FOXP1: variants seen among roughly 807,000 people sequenced by gnomAD.
FOXP1 encodes the protein forkhead box protein P1.
In FOXP1, 15 loss-of-function variants were observed where a neutral mutation model predicts 98.2. The ratio of observed to expected loss-of-function variants is 0.15; its 90% CI spans 0.10 to 0.24. The LOEUF is 0.24. Among genes scored for constraint, FOXP1 ranks in the 10% least tolerant of loss-of-function variants. The probability of loss-of-function intolerance (pLI) is 1.00; values close to 1 mark genes in which losing one functional copy is unlikely to be tolerated. For synonymous variants in FOXP1, 371 were observed against 314.5 expected (o/e 1.18, Z -1.90); for missense variants, 633 against 848.5 (o/e 0.75, Z 3.15).
chr3:71,432,031 G>C (rs919740407), intron 3 of FOXP1, among the ~76,000 whole-genome samples: 2 of 152,164 alleles, frequency 1.3e-5, no homozygotes, highest in African/African-American at 2.4e-5. Flanking sequence ...GATCCCTTAA[G>C]GCTGCTAGTC....
At chr3:71,041,742 C>T (rs1373845815) in intron 10 of FOXP1, among the ~76,000 whole-genome samples, 1 of 151,984 alleles carries the variant, frequency 6.6e-6, no homozygotes, top group East Asian at 1.9e-4. Context: ...GCCCTCATCG[C>T]ACATAAAAGA....
chr3:71,552,573 T>C (rs1288939118), intron 2 of FOXP1, among the ~76,000 whole-genome samples: 3 of 151,906 alleles, frequency 2.0e-5, no homozygotes, highest in Non-Finnish European at 4.4e-5. Context: ...CCAAAGGTCA[T>C]TTAGAAAAAC....
rs199917139 is a variant in FOXP1 at position 70,982,726 on chromosome 3, G to GT, written c.1147-4698dup. On this transcript the variant is annotated intron_variant, in intron 14 of 20. Coordinates refer to ENST00000649528, the MANE Select transcript of FOXP1 (RefSeq NM_001349338.3). ...TTTTTAATTAATTAATCTTTCTTTA[G>GT]TTTTTAACAGTAATCTCCCCTCCTG... 9.4e-3 allele frequency among the ~76,000 whole-genome samples: 1,396 copies of GT among 148,760 alleles called. 23 individuals are homozygous for GT. Among genetic ancestry groups the GT allele is most frequent in the African/African-American group, 0.032 (1,298 of 40,292 alleles).
At chr3:71,280,066 C>T (rs1018108970) in intron 5 of FOXP1, among the ~76,000 whole-genome samples, 6 of 143,112 alleles carry the variant, frequency 4.2e-5, no homozygotes, top group Non-Finnish European at 7.5e-5. Context: ...GAGGTTGCAG[C>T]GAGCTGAGAC....
At chr3:71,426,340 T>C (rs535414631) in intron 3 of FOXP1, among the ~76,000 whole-genome samples, 1 of 152,286 alleles carries the variant, frequency 6.6e-6, no homozygotes, top group Non-Finnish European at 1.5e-5. Context: ...AGTCTCTCCT[T>C]GCGAAGATGT....
intron 5 of FOXP1, among the ~76,000 whole-genome samples, chr3:71,249,780 G>A (rs1056033696): frequency 2.0e-5 from 3 of 152,146 alleles, no homozygotes; most frequent in Non-Finnish European, 4.4e-5. Flanking sequence ...AGTGAGGAGG[G>A]GAGAAGACAG....
chr3:70,999,776 G>T (rs996916126), intron 13 of FOXP1, among the ~76,000 whole-genome samples: 2 of 152,208 alleles, frequency 1.3e-5, no homozygotes, highest in Non-Finnish European at 2.9e-5. Context: ...AGCTGTAAAT[G>T]ACTTAACTCA....
intron 3 of FOXP1, among the ~76,000 whole-genome samples, chr3:71,416,236 G>A (rs2083201154): frequency 6.6e-6 from 1 of 152,014 alleles, no homozygotes; most frequent in South Asian, 2.1e-4. Context: ...ATATAAGGGA[G>A]GCATTAGGAT....
At chr3:71,582,364 C>T (rs1378687000) in intron 1 of FOXP1, 1 of 973,820 alleles carries the variant, frequency 1.0e-6, no homozygotes, top group Non-Finnish European at 1.2e-6. Context: ...GCAAACTCCT[C>T]GGCTCCCGGC....
In FOXP1 at chr3:71,498,752, A is replaced by T. The variant is rs563662264; in HGVS notation, c.-297-5197T>A. Among the ~76,000 whole-genome samples, 4 of 152,222 alleles carry T rather than the reference A, an allele frequency of 2.6e-5. No individual in the cohort carries two copies. The South Asian group carries it at 8.3e-4, about 32-fold the overall frequency. On this transcript the variant is annotated intron_variant, in intron 2 of 20. Coordinates refer to ENST00000649528, the MANE Select transcript of FOXP1 (RefSeq NM_001349338.3). Reference sequence around the variant, plus strand: ...ACAGACATCTTGACCAAGCACCAGGATCTCCAGGGGGGTTTGTAAAACACA... The same window carrying T: ...ACAGACATCTTGACCAAGCACCAGGTTCTCCAGGGGGGTTTGTAAAACACA...
At chr3:71,102,766 T>C (rs751804721) in intron 7 of FOXP1, among the ~76,000 whole-genome samples, 1 of 152,198 alleles carries the variant, frequency 6.6e-6, no homozygotes. Context: ...CCTTTTGCTT[T>C]CCCTGTTTGC....
intron 3 of FOXP1, among the ~76,000 whole-genome samples, chr3:71,383,527 A>C (rs1301333324): frequency 6.6e-6 from 1 of 152,222 alleles, no homozygotes; most frequent in Non-Finnish European, 1.5e-5. Context: ...CATGAAAAGA[A>C]TAGAGGGTGG....
At chr3:71,456,450 T>C (rs1039443813) in intron 3 of FOXP1, among the ~76,000 whole-genome samples, 4 of 152,200 alleles carry the variant, frequency 2.6e-5, no homozygotes, top group Non-Finnish European at 4.4e-5. Context: ...GGAGCTGATA[T>C]TTCATATACA....
rs149215268 is a variant in FOXP1 at position 71,544,826 on chromosome 3, G to A, written c.-298+36723C>T. ...AATAGTTCTTTTCCAGGCAATGAGGGTAGTCAAGAAAGATAATAGGGCTTT... is the reference window on the plus strand; with the variant it reads ...AATAGTTCTTTTCCAGGCAATGAGGATAGTCAAGAAAGATAATAGGGCTTT... On this transcript the variant is annotated intron_variant, in intron 2 of 20. Coordinates refer to ENST00000649528, the MANE Select transcript of FOXP1 (RefSeq NM_001349338.3). 3.8e-4 allele frequency among the ~76,000 whole-genome samples: 53 copies of A among 139,090 alleles called. No homozygotes were observed. The East Asian group carries it at 9.7e-3, about 25-fold the overall frequency. The allele number at this position is 139,090 out of a possible 152,430, so 91.2% of individuals were successfully genotyped here.
At chr3:71,084,143 C>G (rs1403122263) in intron 7 of FOXP1, among the ~76,000 whole-genome samples, 1 of 152,124 alleles carries the variant, frequency 6.6e-6, no homozygotes, top group Admixed American at 6.5e-5. Flanking sequence ...TTCGATCACC[C>G]CAATTCACAA....
chr3:71,317,914 T>C (rs1484448808), intron 4 of FOXP1, among the ~76,000 whole-genome samples: 3 of 152,248 alleles, frequency 2.0e-5, no homozygotes, highest in Non-Finnish European at 1.5e-5. Flanking sequence ...TTAGTTTACA[T>C]ACTTTTCAGT....
At chr3:71,302,272 T>C (rs1165312566) in intron 4 of FOXP1, among the ~76,000 whole-genome samples, 1 of 152,122 alleles carries the variant, frequency 6.6e-6, no homozygotes, top group Non-Finnish European at 1.5e-5. Flanking sequence ...ACAAGAAAAT[T>C]AGGGCTAGTA....
chr3:71,255,670 G>A (rs1208964390), intron 5 of FOXP1, among the ~76,000 whole-genome samples: 1 of 152,150 alleles, frequency 6.6e-6, no homozygotes, highest in Non-Finnish European at 1.5e-5. Context: ...TGACTTGTAA[G>A]TCTGATAAAA....
intron 5 of FOXP1, 55 bp from the exon 6 acceptor site, chr3:71,198,447 G>A: frequency 7.2e-7 from 1 of 1,384,046 alleles, no homozygotes; most frequent in Non-Finnish European, 1.0e-6. Context: ...AAAAAAAGCA[G>A]CTGTTAAAGC....
Sources: allele counts gnomAD v4.1 joint callset (sites outside exome capture counted in the v4.1 genomes callset), GRCh38; gene constraint gnomAD v4.1.1; transcripts MANE v1.5; gene names NCBI Gene and HGNC (gene_info 2026-07-23, HGNC 2026-07-21).